The following PLPP3 variants were observed in gnomAD, a reference collection of about 807,000 sequenced individuals.
The protein encoded by PLPP3 is phospholipid phosphatase 3, also known as PAP2 beta.
In PLPP3, 6 loss-of-function variants were observed where a neutral mutation model predicts 29.6. That is an observed-to-expected ratio of 0.20 (90% CI 0.11 to 0.40). PLPP3 has a LOEUF of 0.40. PLPP3 is among the 10% of genes least tolerant of loss of function. The pLI, the probability that PLPP3 is intolerant of heterozygous loss-of-function variation, is 1.00. For missense variants in PLPP3, 308 were observed against 407.7 expected, an observed-to-expected ratio of 0.76 and a Z score of 2.11; for synonymous variants, 152 against 159.7, an observed-to-expected ratio of 0.95 and a Z score of 0.36.
chr1:56,556,952 G>GAAAGAA (rs1192494672), intron 1 of PLPP3, among the ~76,000 whole-genome samples: 1 of 55,344 alleles, frequency 1.8e-5, no homozygotes. Flanking sequence ...GAGAGACAGA[G>GAAAGAA]AGAAAGAAAG....
chr1:56,548,835 CTGTCATTTGAATGCCA>C (rs1553138693), intron 1 of PLPP3, among the ~76,000 whole-genome samples: 1 of 151,698 alleles, frequency 6.6e-6, no homozygotes, highest in Non-Finnish European at 1.5e-5. Flanking sequence ...ATACTCCTTG[CTGTCATTTGAATGCCA>C]TGTCATTTGA....
At chr1:56,531,083 A>G (rs1161774957) in intron 2 of PLPP3, among the ~76,000 whole-genome samples, 2 of 152,192 alleles carry the variant, frequency 1.3e-5, no homozygotes, top group Non-Finnish European at 2.9e-5. Context: ...ACAGTATCAA[A>G]AGCAGGGTTG....
rs1371287886 is a variant in PLPP3 at position 56,523,900 on chromosome 1, C to A, written c.576-20G>T. 1 of 1,611,658 alleles carries A rather than the reference C, an allele frequency of 6.2e-7. No individual in the cohort carries two copies. The highest frequency in any genetic ancestry group is 1.7e-5 in the Admixed American group (1 of 59,944). ...GACTTCCTGCAAGAGCAAGAGAGGGCCATGAAAGGGCCGTATTCACATCCC... is the reference window on the plus strand; with the variant it reads ...GACTTCCTGCAAGAGCAAGAGAGGGACATGAAAGGGCCGTATTCACATCCC... On this transcript the variant is annotated intron_variant, in intron 3 of 5. Transcript: ENST00000371250.
intron 1 of PLPP3, among the ~76,000 whole-genome samples, chr1:56,547,816 A>G (rs1646015828): frequency 1.3e-5 from 2 of 152,208 alleles, no homozygotes; most frequent in Admixed American, 1.3e-4. Context: ...ACAGATCTCA[A>G]GAAAGCAACT....
intron 4 of PLPP3, among the ~76,000 whole-genome samples, chr1:56,522,675 G>T (rs76298462): frequency 0.094 from 14,015 of 148,792 alleles, 864 homozygotes; most frequent in Middle Eastern, 0.13. Flanking sequence ...AGGATTGGGG[G>T]GAAAAATAAA....
chr1:56,556,973 A>G (rs1225636802), intron 1 of PLPP3, among the ~76,000 whole-genome samples: 1 of 4,268 alleles, frequency 2.3e-4, no homozygotes, highest in Non-Finnish European at 6.2e-4. Context: ...AAAGAAAGAA[A>G]GAAAGAAAGA....
At chr1:56,530,819 A>G (rs1028462205) in intron 2 of PLPP3, among the ~76,000 whole-genome samples, 3 of 152,254 alleles carry the variant, frequency 2.0e-5, no homozygotes, top group Non-Finnish European at 2.9e-5. Context: ...ACTCCCTTAT[A>G]TTCCATTCAT....
chr1:56,567,786 T>A (rs1250629718), intron 1 of PLPP3, among the ~76,000 whole-genome samples: 1 of 152,088 alleles, frequency 6.6e-6, no homozygotes, highest in Non-Finnish European at 1.5e-5. Context: ...TACTATATGA[T>A]CCAGGAATTC....
intron 5 of PLPP3, among the ~76,000 whole-genome samples, chr1:56,504,446 T>C (rs1314025094): frequency 6.6e-6 from 1 of 152,128 alleles, no homozygotes; most frequent in Non-Finnish European, 1.5e-5. Flanking sequence ...GGGTGCTAAA[T>C]GCAGTAGGAG....
At chr1:56,572,250 A>G (rs1646205004) in intron 1 of PLPP3, among the ~76,000 whole-genome samples, 1 of 151,794 alleles carries the variant, frequency 6.6e-6, no homozygotes, top group South Asian at 2.1e-4. Context: ...GGGTTTCACC[A>G]TGTTGACCAG....
chr1:56,531,411 A>G (rs952360666), intron 2 of PLPP3, among the ~76,000 whole-genome samples: 1 of 152,206 alleles, frequency 6.6e-6, no homozygotes, highest in Non-Finnish European at 1.5e-5. Flanking sequence ...TGTATTTTAC[A>G]CATCAGCTTA....
At chr1:56,538,066 C>T (rs1645940126) in intron 1 of PLPP3, among the ~76,000 whole-genome samples, 2 of 152,204 alleles carry the variant, frequency 1.3e-5, no homozygotes, top group African/African-American at 4.8e-5. Flanking sequence ...AGATAGCCAC[C>T]AGTTTGCTTC....
intron 5 of PLPP3, among the ~76,000 whole-genome samples, chr1:56,498,781 G>A (rs900002717): frequency 2.6e-5 from 4 of 151,910 alleles, no homozygotes; most frequent in Non-Finnish European, 2.9e-5. Flanking sequence ...TTACAGGCAC[G>A]TGCCACTATG....
chr1:56,559,492 T>C (rs545989394), intron 1 of PLPP3, among the ~76,000 whole-genome samples: 2 of 151,680 alleles, frequency 1.3e-5, no homozygotes, highest in Non-Finnish European at 2.9e-5. Context: ...GCTCAAGTGA[T>C]CCTCCCACCT....
At chr1:56,522,002 T>C (rs1645822728) in intron 4 of PLPP3, among the ~76,000 whole-genome samples, 1 of 152,188 alleles carries the variant, frequency 6.6e-6, no homozygotes, top group Non-Finnish European at 1.5e-5. Context: ...TAATATTCCT[T>C]AAGTTCAACC....
Position 56,579,264 on chromosome 1 carries a change from G to A in PLPP3, c.-248C>T. 1 of 472,832 alleles carries A rather than the reference G, an allele frequency of 2.1e-6. No homozygotes were observed. Among genetic ancestry groups the A allele is most frequent in the Non-Finnish European group, 3.7e-6 (1 of 271,650 alleles). The allele number at this position is 472,832 out of a possible 1,614,324, so 29.3% of individuals were successfully genotyped here. On this transcript the variant is annotated 5_prime_UTR_variant, in exon 1 of 6. Coordinates refer to ENST00000371250, the MANE Select transcript of PLPP3 (RefSeq NM_003713.5). Reference sequence around the variant, plus strand: ...ACCCTAAATCGTTCTAAAGTCCAAGGGGAAGAGAGCCAGATCCCGAGCAGA... The same window carrying A: ...ACCCTAAATCGTTCTAAAGTCCAAGAGGAAGAGAGCCAGATCCCGAGCAGA...
In PLPP3 at chr1:56,578,864, G is replaced by T; in HGVS notation, c.139+14C>A. 1 of 1,541,510 alleles carries T rather than the reference G, an allele frequency of 6.5e-7. No individual in the cohort carries two copies. Among genetic ancestry groups the T allele is most frequent in the Non-Finnish European group, 8.7e-7 (1 of 1,147,584 alleles). ...AGGGGCCGAGGGGCCGAGGGACAGC[G>T]GGGCTGGGCTCACCCATGAAGAGGC... On this transcript the variant is annotated intron_variant, in intron 1 of 5. Coordinates refer to ENST00000371250, the MANE Select transcript of PLPP3 (RefSeq NM_003713.5).
intron 1 of PLPP3, among the ~76,000 whole-genome samples, chr1:56,560,772 T>C (rs996094576): frequency 6.6e-6 from 1 of 151,942 alleles, no homozygotes; most frequent in Non-Finnish European, 1.5e-5. Flanking sequence ...CTCAGATTTC[T>C]TGTCTCCCAC....
At chr1:56,547,169 T>C (rs779420715) in intron 1 of PLPP3, among the ~76,000 whole-genome samples, 1 of 152,196 alleles carries the variant, frequency 6.6e-6, no homozygotes, top group Non-Finnish European at 1.5e-5. Flanking sequence ...CTGTCTAACA[T>C]CATAATTATT....
Sources: gnomAD v4.1 joint callset for allele counts (sites outside exome capture counted in the v4.1 genomes callset) on GRCh38, gnomAD v4.1.1 for gene constraint, MANE v1.5 for transcripts, NCBI Gene and HGNC (gene_info 2026-07-23, HGNC 2026-07-21) for gene names.